Variants in FERMT3 observed in about 807,000 individuals in gnomAD.
FERMT3 encodes FERM domain containing kindlin 3.
FERMT3 carries 33 observed loss-of-function variants against 80.8 expected under a neutral mutation model. The ratio of observed to expected loss-of-function variants is 0.41; its 90% confidence interval spans 0.31 to 0.55. The LOEUF (loss-of-function observed/expected upper bound fraction) is 0.55. Ranked by LOEUF, FERMT3 falls within the 20% of genes least tolerant of loss-of-function variation. The pLI, the probability that FERMT3 is intolerant of heterozygous loss-of-function variation, is 0.31. For synonymous variants in FERMT3, 375 were observed against 372.2 expected, an observed-to-expected ratio of 1.01 and a Z score of -0.09; for missense variants, 754 against 908.7, an observed-to-expected ratio of 0.83 and a Z score of 2.19.
At position 64,220,106 on chromosome 11, in the gene FERMT3, G is replaced by C. The variant is rs564978513; in HGVS notation, c.1204+91G>C. ...CTCACCGGCCCTGTTTCCTCCTGGAGACCGGGGAAGATGCCCTCTGTCCTG... is the reference window on the plus strand; with the variant it reads ...CTCACCGGCCCTGTTTCCTCCTGGACACCGGGGAAGATGCCCTCTGTCCTG... On this transcript the variant is annotated intron_variant, in intron 10 of 14. Transcript: ENST00000345728. 22 of 1,580,384 alleles carry C rather than the reference G, an allele frequency of 1.4e-5. No homozygotes were observed. In the South Asian group the frequency reaches 2.2e-4, roughly 16 times the overall value.
At position 64,210,941 on chromosome 11, in the gene FERMT3, G is replaced by A; in HGVS notation, c.394+97G>A. On this transcript the variant is annotated intron_variant, in intron 3 of 14. Transcript: ENST00000345728. The surrounding 1 kb of genome is among the most constrained non-coding windows in gnomAD (Gnocchi z 4.3). ...CAGCTCTGTTGACGCTGTCCTTGCT[G>A]TCTGGGTTGCCACCCTGCCTGCAGG... The A allele has an allele frequency of 6.2e-7, 1 of 1,607,546 alleles. No individual in the cohort carries two copies. Among genetic ancestry groups the A allele is most frequent in the Non-Finnish European group, 8.5e-7 (1 of 1,177,284 alleles).
At chr11:64,207,720 C>T (rs945502164) in intron 2 of FERMT3, 196 bp downstream of exon 2, 6 of 637,922 alleles carry the variant, frequency 9.4e-6, no homozygotes, top group Non-Finnish European at 1.3e-5. Context: ...TCCCTCCCTC[C>T]CTTCTGCTGC....
intron 14 of FERMT3, 53 bp downstream of exon 14, chr11:64,223,242 G>A: frequency 3.1e-6 from 5 of 1,613,112 alleles, no homozygotes; most frequent in African/African-American, 1.3e-5. Context: ...GCCGGAGCTG[G>A]ATCCAGCCAG....
At chr11:64,221,287 A>G in intron 13 of FERMT3, 147 bp downstream of exon 13, 1 of 775,892 alleles carries the variant, frequency 1.3e-6, no homozygotes, top group African/African-American at 1.7e-5. Context: ...GGCCTTACTG[A>G]GGGCCCCATG....
rs1946624082 is a variant in FERMT3, at chr11:64,219,438, GC to G, written c.894+81del. 6.4e-7 allele frequency: 1 copy of G among 1,558,426 alleles called. No individual in the cohort carries two copies. Among genetic ancestry groups the G allele is most frequent in the African/African-American group, 1.4e-5 (1 of 73,472 alleles). On this transcript the variant is annotated intron_variant, in intron 7 of 14. Coordinates refer to ENST00000345728, the MANE Select transcript of FERMT3 (RefSeq NM_031471.6). This position sits in a 1 kb window ranked among gnomAD's most constrained non-coding sequence, Gnocchi z 4.0. ...GCAGGAAGGGCCTTCCTGAGTGGGGGCTACCTCCAGGGAAGCCCGGCCTGGG... is the reference window on the plus strand; with the variant it reads ...GCAGGAAGGGCCTTCCTGAGTGGGGGTACCTCCAGGGAAGCCCGGCCTGGG...
At chr11:64,209,035 G>A (rs1056591909) in intron 2 of FERMT3, among the ~76,000 whole-genome samples, 10 of 152,172 alleles carry the variant, frequency 6.6e-5, no homozygotes, top group African/African-American at 2.2e-4. Flanking sequence ...TGGAGAGGAG[G>A]GTGGATTTTA....
Position 64,223,693 on chromosome 11 carries a change from G to T in FERMT3, c.*201G>T. 1 of 785,040 alleles carries T rather than the reference G, an allele frequency of 1.3e-6. No individual in the cohort carries two copies. The highest frequency in any genetic ancestry group is 2.0e-6 in the Non-Finnish European group (1 of 491,902). The allele number at this position is 785,040 out of a possible 1,614,324, so 48.6% of individuals were successfully genotyped here. A position where few individuals can be genotyped will look rare whatever the true frequency, so the allele number is the denominator to read the frequency against. On this transcript the variant is annotated 3_prime_UTR_variant, in exon 15 of 15. Transcript: ENST00000345728. Reference sequence around the variant, plus strand: ...TCACCCAGGCCAGGGATGGGGGTGGGGGTCCCTGAGCTCATGTGGTGCCCC... The same window carrying T: ...TCACCCAGGCCAGGGATGGGGGTGGTGGTCCCTGAGCTCATGTGGTGCCCC...
In FERMT3 at chr11:64,219,689, A is replaced by G; in HGVS notation, c.1029+31A>G. The G allele has an allele frequency of 6.2e-7, 1 of 1,613,478 alleles. No homozygotes were observed. The highest frequency in any genetic ancestry group is 8.5e-7 in the Non-Finnish European group (1 of 1,179,872). ...GAGGGGCTCAGGGCAGGGGCTGGGC[A>G]GGGAGAACTGTGAGGTACCGGGTGC... On this transcript the variant is annotated intron_variant, in intron 8 of 14. Transcript: ENST00000345728. The surrounding 1 kb of genome is among the most constrained non-coding windows in gnomAD (Gnocchi z 4.0).
rs1946780204 is a variant in FERMT3, at chr11:64,223,690, T to TG, written c.*203dup. ...CCATCACCCAGGCCAGGGATGGGGG[T>TG]GGGGGTCCCTGAGCTCATGTGGTGC... is the stretch of plus-strand genomic sequence containing the variant. On this transcript the variant is annotated 3_prime_UTR_variant, in exon 15 of 15. Coordinates refer to ENST00000345728, the MANE Select transcript of FERMT3 (RefSeq NM_031471.6). 23 of 784,396 alleles carry TG rather than the reference T, an allele frequency of 2.9e-5. No individual in the cohort carries two copies. The South Asian group carries it at 3.3e-4, about 11-fold the overall frequency. The allele number at this position is 784,396 out of a possible 1,614,324, so 48.6% of individuals were successfully genotyped here.
Position 64,223,030 on chromosome 11 carries a change from T to A in FERMT3, c.1671-18T>A, listed in dbSNP as rs1292429128. On this transcript the variant is annotated intron_variant, in intron 13 of 14. Transcript: ENST00000345728. ...TGCAGGGTGGAGCCCTGGCTCACTC[T>A]CTCTCCCTGGGGGCCAGGTTCAAGG... The A allele has an allele frequency of 1.1e-5, 17 of 1,613,088 alleles. No homozygotes were observed. Among genetic ancestry groups the A allele is most frequent in the South Asian group, 5.5e-5 (5 of 91,072 alleles).
intron 11 of FERMT3, 33 bp from the exon 12 acceptor site, chr11:64,220,403 G>C: frequency 3.1e-6 from 5 of 1,609,300 alleles, no homozygotes; most frequent in Non-Finnish European, 3.4e-6. Flanking sequence ...ATCAAGCTTG[G>C]TTAGCACTGT....
Position 64,207,440 on chromosome 11 carries a change from G to A in FERMT3, c.76G>A (p.Asp26Asn), listed in dbSNP as rs1946336275. Residue 26 changes from aspartate (D) to asparagine (N), a missense_variant, in exon 2 of 15, where the codon GAC becomes AAC. Asp to Asn is a conservative substitution (Grantham distance 23, BLOSUM62 1). Coordinates refer to ENST00000345728, the MANE Select transcript of FERMT3 (RefSeq NM_031471.6). ...GCTGCGGGTGTTTGTGGGAGAGGAG[G>A]ACCCAGAGGCCGAGTCGGTCACCCT... is the stretch of plus-strand genomic sequence containing the variant. ...WELRVFVGEE[D>N]PEAESVTLRV... 6.2e-7 allele frequency: 1 copy of A among 1,614,166 alleles called. No homozygotes were observed. The highest frequency in any genetic ancestry group is 8.5e-7 in the Non-Finnish European group (1 of 1,180,020).
intron 13 of FERMT3, among the ~76,000 whole-genome samples, chr11:64,221,449 A>G (rs1200540852): frequency 1.3e-5 from 2 of 152,006 alleles, no homozygotes; most frequent in Non-Finnish European, 2.9e-5. Flanking sequence ...GGCAACACAG[A>G]AAGTCCCTCG....
chr11:64,207,238 CCTT>C lies in FERMT3; in HGVS notation c.-14-111_-14-109del, dbSNP rs142842309. The C allele has an allele frequency of 0.012, 14,871 of 1,287,166 alleles. 1,133 individuals carry two copies. In the Admixed American group the frequency reaches 0.17, roughly 15 times the overall value. The allele number at this position is 1,287,166 out of a possible 1,614,324, so 79.7% of individuals were successfully genotyped here. A position where few individuals can be genotyped will look rare whatever the true frequency, so the allele number is the denominator to read the frequency against. On this transcript the variant is annotated intron_variant, in intron 1 of 14. Coordinates refer to ENST00000345728, the MANE Select transcript of FERMT3 (RefSeq NM_031471.6). ...TGGCCTGGGTGCTCACTCCCGCCCTCCTTCATGAGCGGCTTTCCTCTGGGTGTG... is the reference window on the plus strand; with the variant it reads ...TGGCCTGGGTGCTCACTCCCGCCCTCCATGAGCGGCTTTCCTCTGGGTGTG...
In FERMT3 at chr11:64,221,944, CAAAAA is replaced by C. The variant is rs1946692502; in HGVS notation, c.1670+806_1670+810del. Among the ~76,000 whole-genome samples, 4 of 147,856 alleles carry C rather than the reference CAAAAA, an allele frequency of 2.7e-5. No individual in the cohort carries two copies. The Admixed American group carries it at 2.7e-4, about 10-fold the overall frequency. On this transcript the variant is annotated intron_variant, in intron 13 of 14. Transcript: ENST00000345728. Reference sequence around the variant, plus strand: ...TCTGCCTCCAAAAAACAAAACAAAACAAAAAACAAATAGGCGGGGCACGGTGGTTC... The same window carrying C: ...TCTGCCTCCAAAAAACAAAACAAAACACAAATAGGCGGGGCACGGTGGTTC...
chr11:64,211,656 C>T lies in FERMT3; in HGVS notation c.695C>T (p.Ser232Leu). The T allele has an allele frequency of 6.2e-7, 1 of 1,614,036 alleles. No homozygotes were observed. Among genetic ancestry groups the T allele is most frequent in the Non-Finnish European group, 8.5e-7 (1 of 1,180,004 alleles). ...KTQLHSRWLDSSRCLMQQGIK... is the reference protein window; with the variant it reads ...KTQLHSRWLDLSRCLMQQGIK... ...CTGCCGCGGCCCAGGTGGCTGGACT[C>T]GTCGCGGTGTCTCATGCAGCAGGGC... Residue 232 changes from serine (S) to leucine (L), a missense_variant, in exon 6 of 15, where the codon TCG becomes TTG. Transcript: ENST00000345728. This position sits in a 1 kb window ranked among gnomAD's most constrained non-coding sequence, Gnocchi z 4.7.
chr11:64,207,453 A>G lies in FERMT3; in HGVS notation c.89A>G (p.Glu30Gly). 1 of 1,614,086 alleles carries G rather than the reference A, an allele frequency of 6.2e-7. No homozygotes were observed. The highest frequency in any genetic ancestry group is 8.5e-7 in the Non-Finnish European group (1 of 1,179,994). ...VFVGEEDPEA[E>G]SVTLRVTGES... is the part of the protein sequence containing the mutation. Reference sequence around the variant, plus strand: ...GTGGGAGAGGAGGACCCAGAGGCCGAGTCGGTCACCCTGCGGGTCACTGGG... The same window carrying G: ...GTGGGAGAGGAGGACCCAGAGGCCGGGTCGGTCACCCTGCGGGTCACTGGG... The change falls in exon 2 of 15, where the codon GAG (glutamate) becomes GGG (glycine). Residue 30 changes from glutamate to glycine, a missense_variant. Physicochemically the swap from Glu to Gly is moderately conservative, Grantham distance 98. Coordinates refer to ENST00000345728, the MANE Select transcript of FERMT3 (RefSeq NM_031471.6).
chr11:64,220,060 T>C (rs762713705), intron 10 of FERMT3, 45 bp downstream of exon 10: 1 of 1,609,960 alleles, frequency 6.2e-7, no homozygotes, highest in Non-Finnish European at 8.5e-7. Flanking sequence ...TCCCCACTTG[T>C]GGGCTAGGCA....
rs1283768783 is a variant in FERMT3, at chr11:64,211,824, G to A, written c.786+77G>A. Reference sequence around the variant, plus strand: ...CTAGGGCCTGGGGTATGGGCTCTGGGATGTTAGTGACTTGTAGTGGCCTGT... The same window carrying A: ...CTAGGGCCTGGGGTATGGGCTCTGGAATGTTAGTGACTTGTAGTGGCCTGT... On this transcript the variant is annotated intron_variant, in intron 6 of 14. Transcript: ENST00000345728. The surrounding 1 kb of genome is among the most constrained non-coding windows in gnomAD (Gnocchi z 4.7). 9.3e-6 allele frequency: 13 copies of A among 1,397,332 alleles called. No individual in the cohort carries two copies. In the Admixed American group the frequency reaches 1.6e-4, roughly 17 times the overall value. The allele number at this position is 1,397,332 out of a possible 1,614,324, so 86.6% of individuals were successfully genotyped here.
Sources: gnomAD v4.1 joint callset for allele counts (sites outside exome capture counted in the v4.1 genomes callset) on GRCh38, gnomAD v4.1.1 for gene constraint, Gnocchi (gnomAD v3.1) non-coding constraint, MANE v1.5 for transcripts, NCBI Gene and HGNC (gene_info 2026-07-23, HGNC 2026-07-21) for gene names.